Variants in CREBBP observed in about 807,000 individuals in gnomAD.
The protein encoded by CREBBP is CREB-binding protein.
A neutral mutation model predicts 265.0 loss-of-function variants in CREBBP; 19 were observed. The ratio of observed to expected loss-of-function variants is 0.07; its 90% confidence interval spans 0.05 to 0.11. CREBBP has a LOEUF of 0.11. Ranked by LOEUF, CREBBP falls within the 10% of genes least tolerant of loss-of-function variation. The pLI is 1.00. For missense variants in CREBBP, 2,525 were observed against 3,219.0 expected (o/e 0.78, Z 5.22); for synonymous variants, 1,457 against 1,223.7 (o/e 1.19, Z -3.98).
chr16:3,758,107 T>TCATCTGG, intron 17 of CREBBP, 59 bp from the exon 18 acceptor site: 12 of 1,564,116 alleles, frequency 7.7e-6, no homozygotes, highest in Non-Finnish European at 1.0e-5. Context: ...AATGCCAGTC[T>TCATCTGG]CATCTGGCAG....
rs1412577632 is a variant in CREBBP at position 3,879,781 on chromosome 16, T to TG, written c.85+50dup. ...CGACCCCCGGACGCTCTCTTTCAGG[T>TG]GGGGGTGACAGCGCGCCCCGGGCCC... On this transcript the variant is annotated intron_variant, in intron 1 of 30. Transcript: ENST00000262367. The TG allele has an allele frequency of 3.9e-6, 6 of 1,521,130 alleles. No homozygotes were observed. In the East Asian group the frequency reaches 1.5e-4, roughly 37 times the overall value. 94.2% of individuals were successfully genotyped at this position (1,521,130 alleles called of 1,614,324 possible). A position where few individuals can be genotyped will look rare whatever the true frequency, so the allele number is the denominator to read the frequency against.
intron 2 of CREBBP, among the ~76,000 whole-genome samples, chr16:3,844,780 A>G (rs1230032627): frequency 6.6e-6 from 1 of 152,218 alleles, no homozygotes; most frequent in East Asian, 1.9e-4. Context: ...TAGCGTATAC[A>G]TAACATCTTT....
intron 1 of CREBBP, among the ~76,000 whole-genome samples, chr16:3,878,145 C>T (rs949548475): frequency 1.3e-5 from 2 of 152,188 alleles, no homozygotes; most frequent in African/African-American, 4.8e-5. Flanking sequence ...AACAGCAAAG[C>T]TACAAAGCCA....
chr16:3,769,205 G>T lies in CREBBP; in HGVS notation c.3029C>A (p.Pro1010His), dbSNP rs139896431. Residue 1010 changes from proline (P) to histidine (H), a missense_variant, in exon 15 of 31, where the codon CCT (proline) becomes CAT (histidine). Physicochemically the swap from Pro to His is moderately conservative, Grantham distance 77. Around this residue, in one of 19 missense-constraint regions of CREBBP, gnomAD observed 548 missense variants for 533.0 expected, o/e 1.03. Coordinates refer to ENST00000262367, the MANE Select transcript of CREBBP (RefSeq NM_004380.3). ...CCTGGGCTCCCCTTTGGATTCACCAGGATCGGGCTCAGTGTCCTCTGCTTG... is the reference window on the plus strand; with the variant it reads ...CCTGGGCTCCCCTTTGGATTCACCATGATCGGGCTCAGTGTCCTCTGCTTG... The part of the protein sequence containing the change: ...ETQAEDTEPD[P>H]GESKGEPRSE... 6.2e-7 allele frequency: 1 copy of T among 1,614,022 alleles called. No individual in the cohort carries two copies. Among genetic ancestry groups the T allele is most frequent in the Non-Finnish European group, 8.5e-7 (1 of 1,180,032 alleles).
At chr16:3,874,504 GC>G (rs1163071829) in intron 1 of CREBBP, among the ~76,000 whole-genome samples, 65 of 152,226 alleles carry the variant, frequency 4.3e-4, no homozygotes, top group Non-Finnish European at 7.8e-4. Flanking sequence ...ACACAGCCAG[GC>G]CCACTCGCCT....
chr16:3,803,945 A>C (rs1035572377), intron 3 of CREBBP, among the ~76,000 whole-genome samples: 1 of 151,946 alleles, frequency 6.6e-6, no homozygotes, highest in South Asian at 2.1e-4. Context: ...TTTGCTGTGC[A>C]TGGTGGCACG....
chr16:3,854,659 C>T (rs910797608), intron 1 of CREBBP, among the ~76,000 whole-genome samples: 2 of 152,222 alleles, frequency 1.3e-5, no homozygotes, highest in Non-Finnish European at 2.9e-5. Flanking sequence ...CCAGCCACAA[C>T]ACTGAGAGCT....
chr16:3,758,071 C>T (rs764006324), intron 17 of CREBBP, 23 bp from the exon 18 acceptor site: 30 of 1,608,224 alleles, frequency 1.9e-5, no homozygotes, highest in Non-Finnish European at 2.5e-5. Flanking sequence ...AAAATGGTCT[C>T]AGTATAGGGA....
intron 4 of CREBBP, among the ~76,000 whole-genome samples, chr16:3,792,625 C>A (rs2053528456): frequency 6.6e-6 from 1 of 152,220 alleles, no homozygotes; most frequent in South Asian, 2.1e-4. Flanking sequence ...TTACCCTTCT[C>A]TGCTTCTCTG....
At chr16:3,821,649 A>G (rs2054142917) in intron 2 of CREBBP, among the ~76,000 whole-genome samples, 1 of 152,178 alleles carries the variant, frequency 6.6e-6, no homozygotes, top group Non-Finnish European at 1.5e-5. Flanking sequence ...TTTCATGCCA[A>G]TCCAAGCCAA....
At chr16:3,865,104 G>A (rs1014179601) in intron 1 of CREBBP, among the ~76,000 whole-genome samples, 1 of 152,170 alleles carries the variant, frequency 6.6e-6, no homozygotes, top group Non-Finnish European at 1.5e-5. Context: ...TGTATACCTG[G>A]AGAATATATG....
chr16:3,731,480 G>A lies in CREBBP; in HGVS notation c.4891-7C>T, dbSNP rs780821092. On this transcript the variant is annotated splice_polypyrimidine_tract_variant and splice_region_variant and intron_variant, in intron 29 of 30. Transcript: ENST00000262367. This position sits in a 1 kb window ranked among gnomAD's most constrained non-coding sequence, Gnocchi z 7.7. ...GGTGGATCACGAAGAAGACCTGCAGGAGAGGAGGGGCTTTAGTCCCACACA... is the reference window on the plus strand; with the variant it reads ...GGTGGATCACGAAGAAGACCTGCAGAAGAGGAGGGGCTTTAGTCCCACACA... 11 of 1,577,192 alleles carry A rather than the reference G, an allele frequency of 7.0e-6. No homozygotes were observed. The highest frequency in any genetic ancestry group is 5.4e-5 in the African/African-American group (4 of 74,574).
intron 1 of CREBBP, among the ~76,000 whole-genome samples, chr16:3,873,855 C>A (rs2055347807): frequency 6.6e-6 from 1 of 152,122 alleles, no homozygotes; most frequent in South Asian, 2.1e-4. Context: ...GAAAGTAAAA[C>A]CTTAACAAGA....
At chr16:3,765,196 C>T (rs28680172) in intron 16 of CREBBP, among the ~76,000 whole-genome samples, 5,841 of 152,242 alleles carry the variant, frequency 0.038, 253 homozygotes, top group East Asian at 0.21. Flanking sequence ...CAGGATGGTC[C>T]TGATCTGCTG....
At chr16:3,738,093 T>A (rs575227671) in intron 26 of CREBBP, among the ~76,000 whole-genome samples, 10 of 150,624 alleles carry the variant, frequency 6.6e-5, no homozygotes, top group African/African-American at 1.5e-4. Context: ...GCCTTTTTTT[T>A]AATTTTTAGT....
intron 2 of CREBBP, among the ~76,000 whole-genome samples, chr16:3,834,933 C>T (rs2054413619): frequency 6.6e-6 from 1 of 152,032 alleles, no homozygotes; most frequent in Non-Finnish European, 1.5e-5. Context: ...CCGAGGCGGG[C>T]GGATCACGAG....
At chr16:3,853,175 C>A (rs900005455) in intron 1 of CREBBP, among the ~76,000 whole-genome samples, 1 of 152,110 alleles carries the variant, frequency 6.6e-6, no homozygotes. Flanking sequence ...CACCTCATAA[C>A]GCTGTTGTGA....
chr16:3,826,221 G>A (rs1180224518), intron 2 of CREBBP, among the ~76,000 whole-genome samples: 4 of 152,044 alleles, frequency 2.6e-5, no homozygotes, highest in Non-Finnish European at 5.9e-5. Flanking sequence ...TCGGCGGGCG[G>A]GGAGCAAGAT....
intron 24 of CREBBP, 77 bp from the exon 25 acceptor site, chr16:3,739,801 C>CT: frequency 6.3e-7 from 1 of 1,599,656 alleles, no homozygotes; most frequent in Non-Finnish European, 8.6e-7. Context: ...GCCTGCTCCT[C>CT]TAACTCTGGC....
Sources: gnomAD v4.1 joint callset for allele counts (sites outside exome capture counted in the v4.1 genomes callset) on GRCh38, gnomAD v4.1.1 for gene constraint, gnomAD v4.1.1 regional missense constraint, Gnocchi (gnomAD v3.1) non-coding constraint, MANE v1.5 for transcripts, NCBI Gene and HGNC (gene_info 2026-07-23, HGNC 2026-07-21) for gene names.